FAM184A: variants seen among roughly 807,000 people sequenced by gnomAD.
FAM184A encodes protein FAM184A.
FAM184A carries 99 observed loss-of-function variants against 143.8 expected under a neutral mutation model. The ratio of observed to expected loss-of-function variants is 0.69; its 90% CI spans 0.58 to 0.81. The LOEUF (loss-of-function observed/expected upper bound fraction) is 0.81. Among genes scored for constraint, FAM184A ranks in the 40% least tolerant of loss-of-function variants. The pLI is 0.00. For synonymous variants in FAM184A, 427 were observed against 446.4 expected (o/e 0.96, Z 0.55); for missense variants, 1,217 against 1,310.5 (o/e 0.93, Z 1.10).
chr6:118,964,617 T>TAACCAACTTTTA (rs1783437336), intron 16 of FAM184A, 50 bp downstream of exon 16: 1 of 1,065,412 alleles, frequency 9.4e-7, no homozygotes, highest in Non-Finnish European at 1.4e-6. Flanking sequence ...ACCAAATTTT[T>TAACCAACTTTTA]AACCAACTTT....
chr6:119,088,840 T>C (rs1788295204), intron 1 of FAM184A, among the ~76,000 whole-genome samples: 1 of 152,154 alleles, frequency 6.6e-6, no homozygotes, highest in Non-Finnish European at 1.5e-5. Context: ...AAGGAAAACA[T>C]TTTGAGTTAA....
At chr6:118,991,484 T>C (rs78050237) in intron 9 of FAM184A, among the ~76,000 whole-genome samples, 2,765 of 152,136 alleles carry the variant, frequency 0.018, 33 homozygotes, top group Middle Eastern at 0.048. Context: ...TTTAGAAGTG[T>C]AACATTTAAA....
At chr6:119,050,791 G>A (rs1407306551) in intron 1 of FAM184A, among the ~76,000 whole-genome samples, 9 of 148,630 alleles carry the variant, frequency 6.1e-5, no homozygotes, top group Middle Eastern at 3.6e-3. Flanking sequence ...CGGCCTGGGC[G>A]ACAGAGCGAG....
chr6:119,099,832 C>G (rs1186585148), intron 1 of FAM184A, among the ~76,000 whole-genome samples: 1 of 152,122 alleles, frequency 6.6e-6, no homozygotes, highest in Admixed American at 6.5e-5. Context: ...TTCATCGTAT[C>G]CTTTGCAGTC....
At chr6:119,127,496 A>G (rs1026319650) in intron 1 of FAM184A, among the ~76,000 whole-genome samples, 1 of 152,256 alleles carries the variant, frequency 6.6e-6, no homozygotes, top group African/African-American at 2.4e-5. Context: ...TATCCTGGGT[A>G]ACTGTCAATG....
At chr6:119,043,151 A>T (rs1435339276) in intron 1 of FAM184A, among the ~76,000 whole-genome samples, 1 of 152,204 alleles carries the variant, frequency 6.6e-6, no homozygotes, top group Non-Finnish European at 1.5e-5. Context: ...CTACCTAATG[A>T]CTATGAAATA....
intron 1 of FAM184A, among the ~76,000 whole-genome samples, chr6:119,051,131 C>T (rs1786748181): frequency 7.0e-6 from 1 of 142,606 alleles, no homozygotes; most frequent in South Asian, 2.4e-4. Flanking sequence ...CACATGTACA[C>T]CTGAACCTAA....
rs1785555128 is a variant in FAM184A, at chr6:119,024,302, C to G, written c.671G>C (p.Arg224Thr). The G allele has an allele frequency of 6.2e-7, 1 of 1,614,086 alleles. No individual in the cohort carries two copies. The highest frequency in any genetic ancestry group is 1.1e-5 in the South Asian group (1 of 91,090). The change falls in exon 2 of 18, where the codon AGA becomes ACA. Residue 224 changes from arginine (R) to threonine (T), a missense_variant. Arg to Thr is a moderately conservative substitution (Grantham distance 71, BLOSUM62 -1). Transcript: ENST00000338891. ...TTTGTTTAGGGACTCCACCTCCATT[C>G]TGTGTAGTTCCTCTGCCTTTTCCTG... ...KGQEKAEELH[R>T]MEVESLNKML...
chr6:119,003,658 T>G lies in FAM184A; in HGVS notation c.1816-36A>C, dbSNP rs1762192. 6.5e-3 allele frequency: 10,141 copies of G among 1,566,116 alleles called. 469 individuals are homozygous for G. The African/African-American group carries it at 0.11, about 17-fold the overall frequency. On this transcript the variant is annotated intron_variant, in intron 7 of 17. Coordinates refer to ENST00000338891, the MANE Select transcript of FAM184A (RefSeq NM_024581.6). ...AAAACTTTTCAATGAAGACTAAACT[T>G]CAAAAACAAACACTGCTGGTTATTT...
intron 9 of FAM184A, among the ~76,000 whole-genome samples, chr6:118,994,985 T>C (rs1784503243): frequency 6.6e-6 from 1 of 152,192 alleles, no homozygotes; most frequent in African/African-American, 2.4e-5. Flanking sequence ...CTACTTTGAA[T>C]AAGAAATCTG....
Position 118,959,915 on chromosome 6 carries a change from C to T in FAM184A, c.*188G>A. The T allele has an allele frequency of 2.6e-6, 1 of 387,562 alleles. No individual in the cohort carries two copies. The highest frequency in any genetic ancestry group is 4.6e-6 in the Non-Finnish European group (1 of 218,554). The allele number at this position is 387,562 out of a possible 1,614,324, so 24.0% of individuals were successfully genotyped here. A position where few individuals can be genotyped will look rare whatever the true frequency, so the allele number is the denominator to read the frequency against. On this transcript the variant is annotated 3_prime_UTR_variant, in exon 18 of 18. Transcript: ENST00000338891. Reference sequence around the variant, plus strand: ...AATAAAAATAACAGTTATAATTACACACATAATATAGTACCTTATAGAATG... The same window carrying T: ...AATAAAAATAACAGTTATAATTACATACATAATATAGTACCTTATAGAATG...
chr6:119,058,173 CTCTTTTT>C (rs1787077135), intron 1 of FAM184A, among the ~76,000 whole-genome samples: 3 of 134,330 alleles, frequency 2.2e-5, no homozygotes. Context: ...TTCTCCTTCT[CTCTTTTT>C]TTTTTTTTTT....
chr6:119,089,755 A>G (rs1313976886), intron 1 of FAM184A, among the ~76,000 whole-genome samples: 3 of 152,226 alleles, frequency 2.0e-5, no homozygotes, highest in Admixed American at 2.0e-4. Context: ...TCTTTAGATA[A>G]GTGGTTAATC....
chr6:119,067,723 C>T (rs58340913), intron 1 of FAM184A, among the ~76,000 whole-genome samples: 8,900 of 152,218 alleles, frequency 0.058, 540 homozygotes, highest in African/African-American at 0.15. Context: ...ACAACGACCA[C>T]GAATAATGAG....
At chr6:118,993,427 T>A (rs1408671478) in intron 9 of FAM184A, among the ~76,000 whole-genome samples, 3 of 152,232 alleles carry the variant, frequency 2.0e-5, no homozygotes, top group African/African-American at 4.8e-5. Flanking sequence ...CTCAGTTTAA[T>A]CATTTAGAAA....
Position 119,054,866 on chromosome 6 carries a change from A to ATT in FAM184A, c.159+23273_159+23274dup, listed in dbSNP as rs5879482. 8.3e-4 allele frequency among the ~76,000 whole-genome samples: 125 copies of ATT among 151,302 alleles called. 2 individuals are homozygous for ATT. Among genetic ancestry groups the ATT allele is most frequent in the African/African-American group, 2.8e-3 (117 of 41,236 alleles). On this transcript the variant is annotated intron_variant, in intron 1 of 17. Transcript: ENST00000338891. ...TCTTGAGTAACTGAGCCTTGTGACA[A>ATT]TTTTTTTTTAATAACAGCTTTGAGA...
intron 1 of FAM184A, among the ~76,000 whole-genome samples, chr6:119,066,726 C>T (rs548918097): frequency 2.6e-5 from 4 of 152,308 alleles, no homozygotes; most frequent in East Asian, 3.9e-4. Context: ...CTCATGATCA[C>T]AGTAGTACTC....
chr6:119,125,180 C>T (rs1230379194), intron 1 of FAM184A, among the ~76,000 whole-genome samples: 1 of 152,206 alleles, frequency 6.6e-6, no homozygotes, highest in Non-Finnish European at 1.5e-5. Context: ...TAAGTCTGGT[C>T]TATGACTTCA....
chr6:118,982,116 TA>T (rs1429165960), intron 9 of FAM184A, among the ~76,000 whole-genome samples: 3 of 152,184 alleles, frequency 2.0e-5, no homozygotes, highest in Non-Finnish European at 2.9e-5. Context: ...TGGAATATGA[TA>T]AATTATACCA....
Sources: allele counts gnomAD v4.1 joint callset (sites outside exome capture counted in the v4.1 genomes callset), GRCh38; gene constraint gnomAD v4.1.1; transcripts MANE v1.5; gene names NCBI Gene and HGNC (gene_info 2026-07-23, HGNC 2026-07-21).